The following RP1 variants were observed in gnomAD, a reference collection of about 807,000 sequenced individuals.
The protein encoded by RP1 is RP1 axonemal microtubule associated.
Under a neutral mutation model 14.8 loss-of-function variants are expected in RP1, and 16 were observed. That is an observed-to-expected ratio of 1.08 (90% CI 0.73 to 1.65). The LOEUF is 1.65. Ranked by LOEUF, RP1 falls within the 40% of genes most tolerant of loss-of-function variation. The probability of loss-of-function intolerance (pLI) is 0.00; values close to 1 mark genes in which losing one functional copy is unlikely to be tolerated. For missense variants in RP1, 2,631 were observed against 2,535.0 expected (o/e 1.04, Z -0.81); for synonymous variants, 876 against 883.6 (o/e 0.99, Z 0.15).
At chr8:54,686,078 T>C (rs1333416427) in intron 12 of RP1, among the ~76,000 whole-genome samples, 1 of 152,200 alleles carries the variant, frequency 6.6e-6, no homozygotes, top group Non-Finnish European at 1.5e-5. Flanking sequence ...AGCATCTTAA[T>C]ATGCTAGTCT....
At chr8:54,697,918 C>A (rs1230077520) in intron 12 of RP1, among the ~76,000 whole-genome samples, 2 of 151,960 alleles carry the variant, frequency 1.3e-5, no homozygotes, top group Admixed American at 6.6e-5. Flanking sequence ...TTAAACGTAA[C>A]ACCTAAAACC....
At chr8:54,859,052 G>C (rs4737745) in intron 27 of RP1, among the ~76,000 whole-genome samples, 113,492 of 152,014 alleles carry the variant, frequency 0.75, 42,556 homozygotes, top group South Asian at 0.87. Flanking sequence ...TGTCACCATA[G>C]AGCAGCTCAC....
chr8:54,663,775 C>A (rs957419842), exon 7 of RP1: 7 of 1,534,852 alleles, frequency 4.6e-6, no homozygotes, highest in African/African-American at 1.4e-5. Context: ...ACATTTCTAT[C>A]CATGGGGAAA....
At chr8:54,868,310 C>T (rs1812503021) in intron 28 of RP1, among the ~76,000 whole-genome samples, 1 of 152,148 alleles carries the variant, frequency 6.6e-6, no homozygotes, top group Non-Finnish European at 1.5e-5. Context: ...TTGTATCATA[C>T]TATCATATGG....
At chr8:54,778,061 C>T (rs912481895) in intron 23 of RP1, among the ~76,000 whole-genome samples, 3 of 152,068 alleles carry the variant, frequency 2.0e-5, no homozygotes, top group African/African-American at 7.2e-5. Flanking sequence ...TAACGGATCC[C>T]AAAACGTTTC....
intron 24 of RP1, among the ~76,000 whole-genome samples, chr8:54,795,068 A>G (rs906577264): frequency 6.6e-6 from 1 of 152,082 alleles, no homozygotes; most frequent in Admixed American, 6.6e-5. Flanking sequence ...TAGTATGGCT[A>G]TCATCAAAAA....
At chr8:54,666,200 G>A (rs1382618418) in intron 7 of RP1, among the ~76,000 whole-genome samples, 1 of 152,098 alleles carries the variant, frequency 6.6e-6, no homozygotes. Flanking sequence ...GTTCACAAAG[G>A]ACTTCTAATT....
chr8:54,642,449 G>A (rs539869619), intron 3 of RP1, among the ~76,000 whole-genome samples: 45 of 152,122 alleles, frequency 3.0e-4, no homozygotes, highest in African/African-American at 8.7e-4. Context: ...ATCTTAAGGC[G>A]TTTTTTCTAA....
intron 1 of RP1, among the ~76,000 whole-genome samples, chr8:54,582,077 C>G (rs1279762625): frequency 6.6e-6 from 1 of 152,150 alleles, no homozygotes; most frequent in Non-Finnish European, 1.5e-5. Flanking sequence ...AGTGCTTGCC[C>G]ATGCCTATGT....
At chr8:54,789,451 AT>A (rs768222942) in intron 24 of RP1, among the ~76,000 whole-genome samples, 52 of 152,132 alleles carry the variant, frequency 3.4e-4, no homozygotes, top group Non-Finnish European at 1.0e-4. Context: ...AGACTCTGCC[AT>A]GACATAGAAC....
intron 1 of RP1, among the ~76,000 whole-genome samples, chr8:54,616,412 T>G (rs1805716604): frequency 6.6e-6 from 1 of 152,236 alleles, no homozygotes; most frequent in African/African-American, 2.4e-5. Flanking sequence ...AACTTCAGTA[T>G]CAGGAAATCA....
chr8:54,650,353 C>T (rs1439772820), intron 4 of RP1, among the ~76,000 whole-genome samples: 1 of 152,096 alleles, frequency 6.6e-6, no homozygotes, highest in Non-Finnish European at 1.5e-5. Flanking sequence ...TGTAAGGGTT[C>T]TTAGGCAGAC....
downstream of RP1, among the ~76,000 whole-genome samples, chr8:54,771,018 G>T (rs956743341): frequency 6.6e-6 from 1 of 151,990 alleles, no homozygotes; most frequent in African/African-American, 2.4e-5. Flanking sequence ...CTAGGCAAAG[G>T]TTAGTGCTAA....
intron 24 of RP1, among the ~76,000 whole-genome samples, chr8:54,822,931 T>C (rs1338875987): frequency 1.3e-5 from 2 of 152,234 alleles, no homozygotes; most frequent in Non-Finnish European, 2.9e-5. Context: ...CTTTTGTTTT[T>C]AAATAATTAC....
intron 1 of RP1, among the ~76,000 whole-genome samples, chr8:54,606,066 T>A (rs1183423358): frequency 6.6e-6 from 1 of 152,116 alleles, no homozygotes; most frequent in Non-Finnish European, 1.5e-5. Context: ...TTGTTATGTG[T>A]GAATTTGATC....
chr8:54,658,828 T>G (rs1245344046), intron 6 of RP1, among the ~76,000 whole-genome samples: 2 of 151,916 alleles, frequency 1.3e-5, no homozygotes, highest in Admixed American at 1.3e-4. Flanking sequence ...CCATAGTAGT[T>G]GGACAATTTT....
intron 1 of RP1, among the ~76,000 whole-genome samples, chr8:54,601,180 G>T (rs972700583): frequency 1.3e-5 from 2 of 152,104 alleles, no homozygotes; most frequent in African/African-American, 4.8e-5. Context: ...AAATAATGGG[G>T]TTTATCAAAG....
intron 14 of RP1, among the ~76,000 whole-genome samples, chr8:54,702,445 A>T (rs1201117913): frequency 6.6e-6 from 1 of 152,208 alleles, no homozygotes; most frequent in Non-Finnish European, 1.5e-5. Context: ...TTAAGTGTAC[A>T]ACAGCATTAT....
chr8:54,630,304 T>C lies in RP1; in HGVS notation c.6422T>C (p.Ile2141Thr). 6.2e-7 allele frequency: 1 copy of C among 1,613,750 alleles called. No homozygotes were observed. The highest frequency in any genetic ancestry group is 8.5e-7 in the Non-Finnish European group (1 of 1,179,780). ...CTTTTCATTTGGGAAGAGGAAGACA[T>C]ATTAAATTTAACTGATCTTGAAAGC... is the stretch of plus-strand genomic sequence containing the variant. Reference protein sequence around the residue: ...ENLFIWEEEDILNLTDLESSR... With the variant: ...ENLFIWEEEDTLNLTDLESSR... Residue 2141 changes from isoleucine to threonine, a missense_variant, in exon 4 of 4, where the codon ATA becomes ACA. Physicochemically the swap from Ile to Thr is moderately conservative, Grantham distance 89 (BLOSUM62 -1). Transcript: ENST00000220676.
Sources: gnomAD v4.1 joint callset for allele counts (sites outside exome capture counted in the v4.1 genomes callset) on GRCh38, gnomAD v4.1.1 for gene constraint, MANE v1.5 for transcripts, NCBI Gene and HGNC (gene_info 2026-07-23, HGNC 2026-07-21) for gene names.